Variants in ATP6V1B2 observed in about 807,000 individuals in gnomAD.
The protein encoded by ATP6V1B2 is ATPase H+ transporting V1 subunit B2.
ATP6V1B2 carries 23 observed loss-of-function variants against 66.7 expected under a neutral mutation model. The ratio of observed to expected loss-of-function variants is 0.34; its 90% CI spans 0.25 to 0.49. The LOEUF (loss-of-function observed/expected upper bound fraction) is 0.49, where lower values mean the gene tolerates loss of function less well. ATP6V1B2 is among the 20% of genes least tolerant of loss of function. ATP6V1B2 has a pLI of 0.99. For synonymous variants in ATP6V1B2, 278 were observed against 236.7 expected (o/e 1.17, Z -1.60); for missense variants, 478 against 650.8 (o/e 0.73, Z 2.89).
At chr8:20,204,934 G>A (rs1164241970) in intron 2 of ATP6V1B2, among the ~76,000 whole-genome samples, 1 of 152,158 alleles carries the variant, frequency 6.6e-6, no homozygotes, top group Non-Finnish European at 1.5e-5. Context: ...AAGGGGCAAA[G>A]TGCATTGCCT....
chr8:20,197,474 G>A lies in ATP6V1B2; in HGVS notation c.68G>A (p.Gly23Glu). ...AAPELPVPTG[G>E]PAVGAREQAL... ...CCCGAGCTACCCGTGCCCACCGGTG[G>A]GCCGGCGGTGGGAGCTCGGGAGCAG... Residue 23 changes from glycine (G) to glutamate (E), a missense_variant, in exon 1 of 14, where the codon GGG (glycine) becomes GAG (glutamate). Gly to Glu is a moderately conservative substitution (Grantham distance 98). Around this residue, in one of 2 missense-constraint regions of ATP6V1B2, gnomAD observed 152 missense variants for 105.2 expected, o/e 1.44. Coordinates refer to ENST00000276390, the MANE Select transcript of ATP6V1B2 (RefSeq NM_001693.4). 6.6e-7 allele frequency: 1 copy of A among 1,520,434 alleles called. No individual in the cohort carries two copies. The highest frequency in any genetic ancestry group is 8.8e-7 in the Non-Finnish European group (1 of 1,135,602). The allele number at this position is 1,520,434 out of a possible 1,614,324, so 94.2% of individuals were successfully genotyped here.
At position 20,218,040 on chromosome 8, in the gene ATP6V1B2, A is replaced by G. The variant is rs1341887831; in HGVS notation, c.1267-113A>G. 4 of 1,369,714 alleles carry G rather than the reference A, an allele frequency of 2.9e-6. No homozygotes were observed. The Admixed American group carries it at 1.0e-4, about 34-fold the overall frequency. 84.8% of individuals were successfully genotyped at this position (1,369,714 alleles called of 1,614,324 possible). On this transcript the variant is annotated intron_variant, in intron 12 of 13. Coordinates refer to ENST00000276390, the MANE Select transcript of ATP6V1B2 (RefSeq NM_001693.4). ...GAATTTTATGTGAATTGTTTTTGTA[A>G]ATTCCTTCTATGGGCTCTTGTGAGG...
At chr8:20,203,116 A>G (rs1467596141) in intron 1 of ATP6V1B2, among the ~76,000 whole-genome samples, 1 of 152,188 alleles carries the variant, frequency 6.6e-6, no homozygotes. Flanking sequence ...GGGTCTTTCT[A>G]GTAATCTAGG....
At chr8:20,219,176 G>A (rs2072884250) in intron 13 of ATP6V1B2, among the ~76,000 whole-genome samples, 1 of 152,160 alleles carries the variant, frequency 6.6e-6, no homozygotes, top group Non-Finnish European at 1.5e-5. Flanking sequence ...TTCAGATGCA[G>A]CAGACCTTGG....
At chr8:20,214,748 A>G (rs1009762987) in intron 9 of ATP6V1B2, 70 bp from the exon 10 acceptor site, 12 of 1,454,958 alleles carry the variant, frequency 8.2e-6, no homozygotes, top group Non-Finnish European at 1.1e-5. Context: ...TGGCATGTTG[A>G]AACAAACATG....
chr8:20,219,936 T>A (rs1174057477), intron 13 of ATP6V1B2, among the ~76,000 whole-genome samples: 2 of 152,178 alleles, frequency 1.3e-5, no homozygotes, highest in Non-Finnish European at 2.9e-5. Context: ...AGACTTTTCT[T>A]ACTAATCTCT....
rs1387099683 is a variant in ATP6V1B2, at chr8:20,210,517, G to A, written c.386-52G>A. The A allele has an allele frequency of 1.9e-6, 3 of 1,607,702 alleles. No homozygotes were observed. The East Asian group carries it at 6.7e-5, about 36-fold the overall frequency. ...TTCCATAATGTCTTTTAAAAATTATGAACATTTGAAAGTCAGCATCTACTC... is the reference window on the plus strand; with the variant it reads ...TTCCATAATGTCTTTTAAAAATTATAAACATTTGAAAGTCAGCATCTACTC... On this transcript the variant is annotated intron_variant, in intron 4 of 13. Coordinates refer to ENST00000276390, the MANE Select transcript of ATP6V1B2 (RefSeq NM_001693.4).
chr8:20,215,141 T>C lies in ATP6V1B2; in HGVS notation c.1078+173T>C, dbSNP rs577360877. ...AAAATTACCCACAGTTATTATCCTA[T>C]TGTGGAGGAAAAGCAATTTTCTTCA... On this transcript the variant is annotated intron_variant, in intron 10 of 13. Coordinates refer to ENST00000276390, the MANE Select transcript of ATP6V1B2 (RefSeq NM_001693.4). The C allele has an allele frequency of 3.3e-5, 25 of 761,958 alleles. No homozygotes were observed. In the East Asian group the frequency reaches 7.8e-4, roughly 24 times the overall value. 47.2% of individuals were successfully genotyped at this position (761,958 alleles called of 1,614,324 possible). A position where few individuals can be genotyped will look rare whatever the true frequency, so the allele number is the denominator to read the frequency against.
At position 20,211,735 on chromosome 8, in the gene ATP6V1B2, T is replaced by C. The variant is rs753264154; in HGVS notation, c.687T>C (p.Ile229=). 6.2e-7 allele frequency: 1 copy of C among 1,608,126 alleles called. No homozygotes were observed. The highest frequency in any genetic ancestry group is 1.1e-5 in the South Asian group (1 of 89,462). ...VVDYSEENFA[I]VFAAMGVNME... ...ACTACAGTGAGGAAAATTTTGCAATTGTATTTGCTGCTATGGGTGTAAGTA... is the reference window on the plus strand; with the variant it reads ...ACTACAGTGAGGAAAATTTTGCAATCGTATTTGCTGCTATGGGTGTAAGTA... Residue 229 remains isoleucine, a synonymous_variant, in exon 7 of 14, where the codon ATT becomes ATC. Transcript: ENST00000276390.
Position 20,197,530 on chromosome 8 carries a change from C to T in ATP6V1B2, c.124C>T (p.Gln42Ter). 3 of 1,446,056 alleles carry T rather than the reference C, an allele frequency of 2.1e-6. No homozygotes were observed. The highest frequency in any genetic ancestry group is 2.7e-6 in the Non-Finnish European group (3 of 1,093,518). The allele number at this position is 1,446,056 out of a possible 1,614,324, so 89.6% of individuals were successfully genotyped here. A position where few individuals can be genotyped will look rare whatever the true frequency, so the allele number is the denominator to read the frequency against. The part of the protein sequence containing the change: ...ALAVSRNYLS[Q>*]PRLTYKTVSG... The stretch of plus-strand genomic sequence containing the variant: ...GGCAGTCAGTCGGAACTACCTCTCC[C>T]AGCCTCGCCTCAGTGAGTATCAGAG... Residue 42 changes from glutamine to a stop codon, truncating the protein, a stop_gained, in exon 1 of 14, where the codon CAG becomes TAG. Coordinates refer to ENST00000276390, the MANE Select transcript of ATP6V1B2 (RefSeq NM_001693.4). LOFTEE classifies it high-confidence loss of function.
At chr8:20,211,789 A>C (rs763251381) in intron 7 of ATP6V1B2, 36 bp downstream of exon 7, 1 of 1,524,430 alleles carries the variant, frequency 6.6e-7, no homozygotes, top group South Asian at 1.2e-5. Flanking sequence ...GATATGTAAA[A>C]TTTTGCTTGT....
intron 2 of ATP6V1B2, among the ~76,000 whole-genome samples, chr8:20,208,216 C>A (rs2072757398): frequency 6.6e-6 from 1 of 152,146 alleles, no homozygotes; most frequent in Non-Finnish European, 1.5e-5. Context: ...TGAGGAGCCC[C>A]ATACAAGAAT....
At chr8:20,212,271 A>T (rs1563812181) in intron 8 of ATP6V1B2, 72 bp downstream of exon 8, 4 of 1,407,276 alleles carry the variant, frequency 2.8e-6, no homozygotes, top group Admixed American at 3.5e-5. Flanking sequence ...TTGGGGAGGT[A>T]AAATGTGGTA....
intron 9 of ATP6V1B2, 152 bp from the exon 10 acceptor site, chr8:20,214,666 G>A (rs565314744): frequency 2.0e-5 from 17 of 845,028 alleles, no homozygotes; most frequent in South Asian, 5.1e-5. Flanking sequence ...TTATGTTGCC[G>A]GGAGATTTTT....
chr8:20,212,613 C>T (rs559297586), intron 8 of ATP6V1B2, among the ~76,000 whole-genome samples, 169 bp from the exon 9 acceptor site: 1 of 152,342 alleles, frequency 6.6e-6, no homozygotes, highest in African/African-American at 2.4e-5. Context: ...TTATAAATAA[C>T]TGTTAATACC....
chr8:20,200,068 G>A (rs539855799), intron 1 of ATP6V1B2, among the ~76,000 whole-genome samples: 2 of 152,014 alleles, frequency 1.3e-5, no homozygotes, highest in African/African-American at 4.8e-5. Flanking sequence ...AGTGGTGTGA[G>A]CTCAGGTCAC....
intron 1 of ATP6V1B2, among the ~76,000 whole-genome samples, chr8:20,200,325 TC>T (rs2072672805): frequency 6.6e-6 from 1 of 152,092 alleles, no homozygotes; most frequent in Admixed American, 6.5e-5. Context: ...GCCTAAAGCT[TC>T]ACACTGAACC....
chr8:20,205,993 C>A (rs1436110411), intron 2 of ATP6V1B2, among the ~76,000 whole-genome samples: 1 of 151,982 alleles, frequency 6.6e-6, no homozygotes, highest in Non-Finnish European at 1.5e-5. Flanking sequence ...TCAATAAATA[C>A]AGAAAAAAAA....
chr8:20,214,479 T>C (rs1372712809), intron 9 of ATP6V1B2: 1 of 173,014 alleles, frequency 5.8e-6, no homozygotes, highest in Non-Finnish European at 1.2e-5. Context: ...CCACGTGGAA[T>C]AAATCTTGTG....
Sources: gnomAD v4.1 joint callset for allele counts (sites outside exome capture counted in the v4.1 genomes callset) on GRCh38, gnomAD v4.1.1 for gene constraint, gnomAD v4.1.1 regional missense constraint, MANE v1.5 for transcripts, NCBI Gene and HGNC (gene_info 2026-07-23, HGNC 2026-07-21) for gene names.